DACH2: variants seen among roughly 807,000 people sequenced by gnomAD.
DACH2 encodes dachshund homolog 2.
DACH2 carries 17 observed loss-of-function variants against 35.8 expected under a neutral mutation model. The observed-to-expected ratio is 0.48, with a 90% CI of 0.33 to 0.71. The LOEUF (loss-of-function observed/expected upper bound fraction) is 0.71, where lower values mean the gene tolerates loss of function less well. DACH2 is among the 30% of genes least tolerant of loss of function. The probability of loss-of-function intolerance (pLI) is 0.02; values close to 1 mark genes in which losing one functional copy is unlikely to be tolerated. For missense variants in DACH2, 469 were observed against 472.7 expected, an observed-to-expected ratio of 0.99 and a Z score of 0.07; for synonymous variants, 195 against 177.3, an observed-to-expected ratio of 1.10 and a Z score of -0.79.
At chrX:86,205,541 C>T (rs985040097) in intron 1 of DACH2, among the ~76,000 whole-genome samples, 1 of 86,284 alleles carries the variant, frequency 1.2e-5, no homozygotes, top group East Asian at 3.8e-4. Context: ...TCCTTCCTTC[C>T]TTCCTTCTTT....
chrX:86,263,150 C>T, intron 1 of DACH2: 1 of 240,083 alleles, frequency 4.2e-6, no homozygotes, highest in Non-Finnish European at 5.9e-6. Context: ...CAAAAGAAAG[C>T]AGCTATGAAT....
chrX:86,484,730 T>A (rs1048791739), intron 2 of DACH2, among the ~76,000 whole-genome samples: 3 of 112,126 alleles, frequency 2.7e-5, no homozygotes, highest in Non-Finnish European at 3.8e-5. Context: ...TTTAAAAACA[T>A]TGCTTTTATA....
chrX:86,493,688 T>C (rs751949718), intron 2 of DACH2, among the ~76,000 whole-genome samples: 1 of 111,800 alleles, frequency 8.9e-6, no homozygotes. Context: ...ATGATTCCTA[T>C]AGACATTAAA....
At chrX:86,653,123 C>T (rs1233894961) in intron 4 of DACH2, among the ~76,000 whole-genome samples, 2 of 111,630 alleles carry the variant, frequency 1.8e-5, no homozygotes, top group Admixed American at 1.9e-4. Flanking sequence ...CTGTAAAGAA[C>T]GGGTCCAGTT....
intron 3 of DACH2, among the ~76,000 whole-genome samples, chrX:86,518,570 T>C (rs745847444): frequency 6.2e-4 from 69 of 112,019 alleles, no homozygotes; most frequent in Non-Finnish European, 1.1e-3. Flanking sequence ...CTCTGACTTC[T>C]TTGAGCAGTG....
At chrX:86,252,644 G>C (rs1257954814) in intron 1 of DACH2, among the ~76,000 whole-genome samples, 1 of 111,100 alleles carries the variant, frequency 9.0e-6, no homozygotes, top group African/African-American at 3.3e-5. Flanking sequence ...TCGAAGATCA[G>C]TTGGCTGTAA....
intron 5 of DACH2, among the ~76,000 whole-genome samples, chrX:86,712,524 A>G (rs2041291005): frequency 1.8e-5 from 2 of 109,798 alleles, no homozygotes; most frequent in South Asian, 3.8e-4. Context: ...GTATATATAT[A>G]TGTGTGTATA....
intron 1 of DACH2, among the ~76,000 whole-genome samples, chrX:86,310,660 G>C (rs2034781665): frequency 8.9e-6 from 1 of 111,792 alleles, no homozygotes; most frequent in Non-Finnish European, 1.9e-5. Context: ...GATTCATGAG[G>C]TGTAGCCAAT....
chrX:86,287,401 T>C (rs767756660), intron 1 of DACH2, among the ~76,000 whole-genome samples: 1 of 111,883 alleles, frequency 8.9e-6, no homozygotes, highest in Non-Finnish European at 1.9e-5. Context: ...TTCTATAACC[T>C]TCCTGTACAT....
chrX:86,576,065 T>C (rs1393763725), intron 3 of DACH2, among the ~76,000 whole-genome samples: 2 of 112,256 alleles, frequency 1.8e-5, no homozygotes, highest in Non-Finnish European at 3.8e-5. Flanking sequence ...CATTCATTCA[T>C]TTACTCAACA....
intron 1 of DACH2, among the ~76,000 whole-genome samples, chrX:86,152,685 C>T (rs927935480): frequency 2.0e-4 from 22 of 111,605 alleles, no homozygotes; most frequent in Non-Finnish European, 1.1e-4. Flanking sequence ...AACATTTTTC[C>T]TTCATGACTG....
intron 2 of DACH2, among the ~76,000 whole-genome samples, chrX:86,463,334 A>C: frequency 9.0e-6 from 1 of 110,520 alleles, no homozygotes; most frequent in Non-Finnish European, 1.9e-5. Context: ...TATTCAAATA[A>C]AAAGTAAGAC....
chrX:86,339,854 G>A (rs1348494978), intron 1 of DACH2, among the ~76,000 whole-genome samples: 1 of 111,778 alleles, frequency 8.9e-6, no homozygotes, highest in Non-Finnish European at 1.9e-5. Flanking sequence ...CCTTCATGAG[G>A]CTAAGTGAAA....
intron 6 of DACH2, among the ~76,000 whole-genome samples, chrX:86,719,141 A>G (rs752055646): frequency 7.1e-5 from 8 of 112,002 alleles, no homozygotes; most frequent in Non-Finnish European, 1.3e-4. Context: ...GACATCTACA[A>G]TTACTTTCAC....
At chrX:86,803,225 T>C (rs1408013204) in intron 7 of DACH2, among the ~76,000 whole-genome samples, 1 of 111,919 alleles carries the variant, frequency 8.9e-6, no homozygotes, top group African/African-American at 3.3e-5. Flanking sequence ...TAACAATAGA[T>C]CATCTCAGAG....
At chrX:86,643,845 C>T (rs769356914) in intron 3 of DACH2, among the ~76,000 whole-genome samples, 5 of 111,564 alleles carry the variant, frequency 4.5e-5, no homozygotes, top group African/African-American at 1.3e-4. Flanking sequence ...ATCACATAAA[C>T]GGAACTAAAG....
intron 3 of DACH2, among the ~76,000 whole-genome samples, chrX:86,556,726 T>A (rs1270828294): frequency 1.2e-5 from 1 of 86,138 alleles, no homozygotes; most frequent in Non-Finnish European, 2.2e-5. Context: ...TTAGTCAGAG[T>A]TCTACAGAGA....
At chrX:86,799,153 A>G in intron 7 of DACH2, 1 of 313,025 alleles carries the variant, frequency 3.2e-6, no homozygotes, top group Non-Finnish European at 6.1e-6. Flanking sequence ...AAGACCCTGG[A>G]ACTCTTGGTT....
chrX:86,631,787 A>C (rs1352756976), intron 3 of DACH2, among the ~76,000 whole-genome samples: 1 of 111,631 alleles, frequency 9.0e-6, no homozygotes. Context: ...CAAAGTTACC[A>C]AACTTTTTTG....
Sources: gnomAD v4.1 joint callset for allele counts (sites outside exome capture counted in the v4.1 genomes callset) on GRCh38, gnomAD v4.1.1 for gene constraint, MANE v1.5 for transcripts, NCBI Gene and HGNC (gene_info 2026-07-23, HGNC 2026-07-21) for gene names.